PISD: variants seen among roughly 807,000 people sequenced by gnomAD.
The protein encoded by PISD is phosphatidylserine decarboxylase proenzyme, mitochondrial.
PISD carries 31 observed loss-of-function variants against 43.5 expected under a neutral mutation model. That is an observed-to-expected ratio of 0.71 (90% confidence interval 0.54 to 0.96). PISD has a LOEUF of 0.96. Among genes scored for constraint, PISD ranks in the 40% least tolerant of loss-of-function variants. The pLI, the probability that PISD is intolerant of heterozygous loss-of-function variation, is 0.00. For missense variants in PISD, 523 were observed against 548.4 expected (o/e 0.95, Z 0.46); for synonymous variants, 259 against 228.7 (o/e 1.13, Z -1.20).
chr22:31,619,384 GTAGGCAGAAGGAACGGGA>G lies in PISD; in HGVS notation c.*210_*227del. ...TCATTCCAGCCTGCACTTTTTATTT[GTAGGCAGAAGGAACGGGA>G]TAGGTTGAGGGGCATGATGGGGGCT... On this transcript the variant is annotated 3_prime_UTR_variant, in exon 8 of 8. Transcript: ENST00000439502. The G allele has an allele frequency of 3.2e-6, 2 of 622,152 alleles. No individual in the cohort carries two copies. Among genetic ancestry groups the G allele is most frequent in the Admixed American group, 4.4e-5 (2 of 45,314 alleles). 38.5% of individuals were successfully genotyped at this position (622,152 alleles called of 1,614,324 possible).
At chr22:31,637,995 T>G (rs999834539) in intron 3 of PISD, among the ~76,000 whole-genome samples, 3 of 152,250 alleles carry the variant, frequency 2.0e-5, no homozygotes, top group Non-Finnish European at 2.9e-5. Flanking sequence ...GAGGCCGCCC[T>G]GCCTTTGGCG....
intron 3 of PISD, among the ~76,000 whole-genome samples, chr22:31,635,711 G>GA (rs2073410467): frequency 6.6e-6 from 1 of 152,162 alleles, no homozygotes; most frequent in African/African-American, 2.4e-5. Context: ...ATGGCTGTAT[G>GA]AGCCACCGTT....
At chr22:31,644,042 C>T (rs1432342495) in intron 3 of PISD, among the ~76,000 whole-genome samples, 7 of 149,676 alleles carry the variant, frequency 4.7e-5, no homozygotes, top group South Asian at 4.2e-4. Context: ...GGCGAGTCTC[C>T]GTCTCAAAAA....
chr22:31,629,157 A>G (rs910241847), intron 3 of PISD: 8 of 985,142 alleles, frequency 8.1e-6, no homozygotes, highest in African/African-American at 1.7e-5. Context: ...GAACATTCCA[A>G]CTGAAGTCGA....
At chr22:31,628,462 A>G (rs2073025065) in intron 3 of PISD, among the ~76,000 whole-genome samples, 1 of 152,188 alleles carries the variant, frequency 6.6e-6, no homozygotes, top group Non-Finnish European at 1.5e-5. Flanking sequence ...GGAAGCACTG[A>G]CACCTTCCCT....
At chr22:31,628,911 A>G in intron 3 of PISD, 4 of 985,426 alleles carry the variant, frequency 4.1e-6, no homozygotes, top group East Asian at 1.1e-4. Context: ...CCACCACAGG[A>G]AAGATGAAAT....
Position 31,621,328 on chromosome 22 carries a change from A to T in PISD, c.697+6T>A. ...GCTGCCTAGCCCCGCCTGTGCAGTG[A>T]CCCACCTGGTGGGAAGGGCAGGTCC... On this transcript the variant is annotated splice_donor_region_variant and intron_variant, in intron 5 of 7. Transcript: ENST00000439502. 1 of 1,613,910 alleles carries T rather than the reference A, an allele frequency of 6.2e-7. No homozygotes were observed.
intron 3 of PISD, among the ~76,000 whole-genome samples, chr22:31,631,516 T>G (rs1666647069): frequency 6.6e-6 from 1 of 152,124 alleles, no homozygotes; most frequent in South Asian, 2.1e-4. Flanking sequence ...CGCCCCAGCC[T>G]AGAGCACACA....
chr22:31,656,896 C>T (rs1435785300), intron 1 of PISD, among the ~76,000 whole-genome samples: 2 of 152,112 alleles, frequency 1.3e-5, no homozygotes, highest in African/African-American at 4.8e-5. Flanking sequence ...TCAAATGTTA[C>T]CTCCTCAGTG....
At chr22:31,655,737 C>T (rs1216183284) in intron 1 of PISD, among the ~76,000 whole-genome samples, 2 of 151,966 alleles carry the variant, frequency 1.3e-5, no homozygotes, top group African/African-American at 4.8e-5. Context: ...TGGGTTCAAG[C>T]AGTTCTTCTG....
intron 3 of PISD, among the ~76,000 whole-genome samples, chr22:31,632,698 G>A (rs368499303): frequency 1.3e-5 from 2 of 152,320 alleles, no homozygotes; most frequent in South Asian, 2.1e-4. Flanking sequence ...TGTGCCCTGA[G>A]CTGCCCATCG....
chr22:31,660,899 A>G (rs947625669), intron 1 of PISD, among the ~76,000 whole-genome samples: 1 of 151,904 alleles, frequency 6.6e-6, no homozygotes, highest in Non-Finnish European at 1.5e-5. Flanking sequence ...ATGCCCGGCT[A>G]ATTTTTGTAT....
At chr22:31,625,661 C>T in intron 3 of PISD, 3 of 1,453,652 alleles carry the variant, frequency 2.1e-6, no homozygotes, top group East Asian at 5.0e-5. Context: ...CACCAGTCCC[C>T]TTGCCGCCAC....
chr22:31,627,204 TG>T (rs1403083815), intron 3 of PISD, among the ~76,000 whole-genome samples: 3 of 152,324 alleles, frequency 2.0e-5, no homozygotes, highest in Non-Finnish European at 4.4e-5. Flanking sequence ...AGGCTGGGGC[TG>T]GTCCAGGCCC....
chr22:31,637,165 ATATATATATATATATATATATATAT>A (rs1308886169), intron 3 of PISD, among the ~76,000 whole-genome samples: 619 of 13,400 alleles, frequency 0.046, 26 homozygotes, highest in Non-Finnish European at 0.059. Flanking sequence ...AAAAAAAAAA[ATATATATATATATATATATATATAT>A]ATATATATAT....
At chr22:31,621,596 G>A (rs899071871) in intron 4 of PISD, 53 bp downstream of exon 4, 4 of 1,596,950 alleles carry the variant, frequency 2.5e-6, no homozygotes, top group Non-Finnish European at 3.4e-6. Context: ...GGGCTGTGCT[G>A]GGGAGGCAGG....
intron 3 of PISD, among the ~76,000 whole-genome samples, chr22:31,644,824 A>G (rs2073837335): frequency 6.6e-6 from 1 of 152,194 alleles, no homozygotes; most frequent in South Asian, 2.1e-4. Flanking sequence ...GTGACAGGTC[A>G]CAGTCAAAAC....
intron 3 of PISD, among the ~76,000 whole-genome samples, chr22:31,635,768 C>T (rs1256919297): frequency 6.6e-6 from 1 of 152,212 alleles, no homozygotes; most frequent in African/African-American, 2.4e-5. Flanking sequence ...CCACAATTCT[C>T]TGAGGTCAGA....
At chr22:31,651,883 TGA>T (rs1424697211) in intron 1 of PISD, among the ~76,000 whole-genome samples, 2 of 152,236 alleles carry the variant, frequency 1.3e-5, no homozygotes, top group Non-Finnish European at 2.9e-5. Flanking sequence ...AGTTTTTAGT[TGA>T]GTTTCCCCTT....
Sources: allele counts gnomAD v4.1 joint callset (sites outside exome capture counted in the v4.1 genomes callset), GRCh38; gene constraint gnomAD v4.1.1; transcripts MANE v1.5; gene names NCBI Gene and HGNC (gene_info 2026-07-23, HGNC 2026-07-21).